TBC1D5: variants seen among roughly 807,000 people sequenced by gnomAD.
TBC1D5 encodes the protein TBC1 domain family member 5.
TBC1D5 carries 75 observed loss-of-function variants against 100.3 expected under a neutral mutation model. That is an observed-to-expected ratio of 0.75 (90% CI 0.62 to 0.91). The LOEUF is 0.91. Ranked by LOEUF, TBC1D5 falls within the 40% of genes least tolerant of loss-of-function variation. TBC1D5 has a pLI of 0.00. For missense variants in TBC1D5, 910 were observed against 942.4 expected, an observed-to-expected ratio of 0.97 and a Z score of 0.45; for synonymous variants, 323 against 325.6, an observed-to-expected ratio of 0.99 and a Z score of 0.09.
At chr3:17,656,603 A>G (rs532650707) in intron 1 of TBC1D5, among the ~76,000 whole-genome samples, 2 of 152,272 alleles carry the variant, frequency 1.3e-5, no homozygotes, top group East Asian at 3.9e-4. Flanking sequence ...TTTAAACATG[A>G]ACTAACTTCA....
chr3:17,458,023 T>A (rs2095126814), intron 3 of TBC1D5, among the ~76,000 whole-genome samples: 1 of 152,186 alleles, frequency 6.6e-6, no homozygotes, highest in South Asian at 2.1e-4. Context: ...ACATACTAAG[T>A]CACGTCTTTC....
intron 13 of TBC1D5, among the ~76,000 whole-genome samples, chr3:17,336,801 G>A (rs373086339): frequency 2.0e-5 from 3 of 152,004 alleles, no homozygotes; most frequent in Non-Finnish European, 2.9e-5. Flanking sequence ...ATGATATTAG[G>A]TGAATAAATA....
At chr3:17,577,737 G>A (rs1307616100) in intron 2 of TBC1D5, among the ~76,000 whole-genome samples, 1 of 151,894 alleles carries the variant, frequency 6.6e-6, no homozygotes, top group African/African-American at 2.4e-5. Context: ...TATTTATTAT[G>A]AAAGAGGTAT....
chr3:17,502,625 G>A (rs1299320244), intron 3 of TBC1D5, among the ~76,000 whole-genome samples: 1 of 149,336 alleles, frequency 6.7e-6, no homozygotes, highest in Non-Finnish European at 1.5e-5. Context: ...CTAAGTTTCA[G>A]ACCCATACAT....
At chr3:17,406,557 C>T (rs761220246) in intron 4 of TBC1D5, 31 bp from the exon 5 acceptor site, 1 of 1,582,864 alleles carries the variant, frequency 6.3e-7, no homozygotes, top group South Asian at 1.2e-5. Context: ...CATGAGAATC[C>T]TTTTGTTAAA....
At chr3:17,537,925 T>C (rs2096300170) in intron 2 of TBC1D5, among the ~76,000 whole-genome samples, 1 of 152,228 alleles carries the variant, frequency 6.6e-6, no homozygotes, top group Non-Finnish European at 1.5e-5. Flanking sequence ...CAGGAGGTCC[T>C]GACGACATGT....
intron 15 of TBC1D5, among the ~76,000 whole-genome samples, chr3:17,274,341 T>C (rs1413278248): frequency 6.6e-6 from 1 of 152,232 alleles, no homozygotes; most frequent in Non-Finnish European, 1.5e-5. Flanking sequence ...CCAAATACTG[T>C]TTCCTATGTG....
intron 2 of TBC1D5, among the ~76,000 whole-genome samples, chr3:17,554,037 C>T (rs113384549): frequency 5.3e-5 from 8 of 152,232 alleles, no homozygotes; most frequent in Admixed American, 1.3e-4. Context: ...TTCTATGGCA[C>T]GTACTATTTT....
intron 4 of TBC1D5, among the ~76,000 whole-genome samples, chr3:17,426,003 C>T (rs1231531307): frequency 6.7e-6 from 1 of 149,166 alleles, no homozygotes; most frequent in Non-Finnish European, 1.5e-5. Context: ...ACCCTAGACA[C>T]AAGTATATAT....
At chr3:17,471,818 A>G (rs2095378556) in intron 3 of TBC1D5, among the ~76,000 whole-genome samples, 1 of 152,198 alleles carries the variant, frequency 6.6e-6, no homozygotes, top group South Asian at 2.1e-4. Context: ...TCCAAAAATT[A>G]AAAACAAGAA....
chr3:17,498,807 G>C (rs2095748267), intron 3 of TBC1D5, among the ~76,000 whole-genome samples: 1 of 152,190 alleles, frequency 6.6e-6, no homozygotes, highest in African/African-American at 2.4e-5. Context: ...TACATGTAGT[G>C]TTAGTAAAAT....
chr3:17,230,801 G>A (rs943500170), intron 17 of TBC1D5, among the ~76,000 whole-genome samples: 5 of 152,070 alleles, frequency 3.3e-5, no homozygotes, highest in Admixed American at 2.0e-4. Flanking sequence ...ATCCATGGGA[G>A]ATTGGTTTCA....
At chr3:17,585,164 TTA>T (rs2096725094) in intron 2 of TBC1D5, among the ~76,000 whole-genome samples, 1 of 152,184 alleles carries the variant, frequency 6.6e-6, no homozygotes, top group African/African-American at 2.4e-5. Flanking sequence ...AATATTATTT[TTA>T]TACATCAGGA....
At chr3:17,509,684 A>G (rs2095880626) in intron 2 of TBC1D5, among the ~76,000 whole-genome samples, 1 of 152,004 alleles carries the variant, frequency 6.6e-6, no homozygotes, top group African/African-American at 2.4e-5. Flanking sequence ...TGTTTATATG[A>G]TACACATATT....
intron 2 of TBC1D5, among the ~76,000 whole-genome samples, chr3:17,544,680 C>T (rs1210086001): frequency 7.1e-6 from 1 of 140,828 alleles, no homozygotes; most frequent in Non-Finnish European, 1.5e-5. Context: ...ACCTTAAGAA[C>T]TCTGCATGTC....
At chr3:17,485,174 T>C (rs1239518228) in intron 3 of TBC1D5, among the ~76,000 whole-genome samples, 32 of 152,234 alleles carry the variant, frequency 2.1e-4, no homozygotes, top group Non-Finnish European at 7.4e-5. Context: ...ATGGGTTTAT[T>C]TTTTTAAAGT....
chr3:17,201,657 G>A (rs1401826284), intron 18 of TBC1D5, among the ~76,000 whole-genome samples: 2 of 152,104 alleles, frequency 1.3e-5, no homozygotes, highest in Non-Finnish European at 2.9e-5. Context: ...TTTCGCCCTT[G>A]CTGTTATTGT....
At chr3:17,323,891 A>G (rs1255010659) in intron 13 of TBC1D5, among the ~76,000 whole-genome samples, 2 of 152,234 alleles carry the variant, frequency 1.3e-5, no homozygotes, top group Non-Finnish European at 1.5e-5. Context: ...AGAAAAACAA[A>G]GTTGGAGGAC....
chr3:17,400,353 C>T (rs1274492000), intron 8 of TBC1D5, among the ~76,000 whole-genome samples: 1 of 152,016 alleles, frequency 6.6e-6, no homozygotes, highest in Non-Finnish European at 1.5e-5. Context: ...TCATATAGTA[C>T]CTTATAAAGA....
Sources: allele counts gnomAD v4.1 joint callset (sites outside exome capture counted in the v4.1 genomes callset), GRCh38; gene constraint gnomAD v4.1.1; transcripts MANE v1.5; gene names NCBI Gene and HGNC (gene_info 2026-07-23, HGNC 2026-07-21).